The following B4GALNT3 variants were observed in gnomAD, a reference collection of about 807,000 sequenced individuals.
The protein encoded by B4GALNT3 is beta-1,4-N-acetylgalactosaminyltransferase 3.
B4GALNT3 carries 86 observed loss-of-function variants against 120.2 expected under a neutral mutation model. The ratio of observed to expected loss-of-function variants is 0.72; its 90% CI spans 0.60 to 0.86. B4GALNT3 has a LOEUF of 0.86. Ranked by LOEUF, B4GALNT3 falls within the 40% of genes least tolerant of loss-of-function variation. The pLI, the probability that B4GALNT3 is intolerant of heterozygous loss-of-function variation, is 0.00. For synonymous variants in B4GALNT3, 518 were observed against 510.4 expected (o/e 1.01, Z -0.20); for missense variants, 1,167 against 1,298.9 (o/e 0.90, Z 1.56).
At chr12:547,155 C>A (rs1947017959) in intron 7 of B4GALNT3, among the ~76,000 whole-genome samples, 1 of 151,346 alleles carries the variant, frequency 6.6e-6, no homozygotes, top group African/African-American at 2.4e-5. Context: ...GCGGGAAGAG[C>A]GGGCGTTGCT....
At chr12:528,238 C>T (rs759930036) in intron 1 of B4GALNT3, among the ~76,000 whole-genome samples, 12 of 151,858 alleles carry the variant, frequency 7.9e-5, no homozygotes, top group Non-Finnish European at 1.3e-4. Context: ...TTTTTAGAGA[C>T]GGGGTCTCAT....
At chr12:545,934 T>A (rs995937922) in intron 6 of B4GALNT3, among the ~76,000 whole-genome samples, 1 of 4,178 alleles carries the variant, frequency 2.4e-4, no homozygotes, top group Non-Finnish European at 5.4e-4. Flanking sequence ...AGTGGGGAGG[T>A]GAGAGGAGTG....
rs1946013733 is a variant in B4GALNT3 at position 460,758 on chromosome 12, C to G, written c.169+213C>G. 6.6e-6 allele frequency among the ~76,000 whole-genome samples: 1 copy of G among 152,132 alleles called. No homozygotes were observed. Among genetic ancestry groups the G allele is most frequent in the African/African-American group, 2.4e-5 (1 of 41,452 alleles). ...CAGAATTCCCGAGCCCGGGCCTGCCCGCCGGCCACGTGGGTCCGGGGCACC... is the reference window on the plus strand; with the variant it reads ...CAGAATTCCCGAGCCCGGGCCTGCCGGCCGGCCACGTGGGTCCGGGGCACC... On this transcript the variant is annotated intron_variant, in intron 1 of 19. Coordinates refer to ENST00000266383, the MANE Select transcript of B4GALNT3 (RefSeq NM_173593.4). This position sits in a 1 kb window ranked among gnomAD's most constrained non-coding sequence, Gnocchi z 8.0.
At chr12:512,160 C>T (rs1316753741) in intron 1 of B4GALNT3, among the ~76,000 whole-genome samples, 1 of 112,972 alleles carries the variant, frequency 8.9e-6, no homozygotes, top group Admixed American at 8.4e-5. Flanking sequence ...CGCCTTCCGC[C>T]TTCCACCTTC....
intron 11 of B4GALNT3, 42 bp from the exon 12 acceptor site, chr12:552,021 A>T: frequency 5.0e-6 from 7 of 1,408,168 alleles, no homozygotes; most frequent in Non-Finnish European, 7.1e-6. Context: ...TCTTACCAAG[A>T]TCTCACTCTC....
chr12:497,589 T>C (rs1396628357), intron 1 of B4GALNT3, among the ~76,000 whole-genome samples: 2 of 152,230 alleles, frequency 1.3e-5, no homozygotes, highest in Non-Finnish European at 2.9e-5. Flanking sequence ...TGTACAAATA[T>C]TTGTTTGAAT....
intron 1 of B4GALNT3, among the ~76,000 whole-genome samples, chr12:464,892 C>A (rs1026005591): frequency 6.6e-6 from 1 of 152,264 alleles, no homozygotes; most frequent in Middle Eastern, 3.4e-3. Context: ...GAGGCACACC[C>A]GCGGTGTGAG....
At chr12:552,625 G>A in intron 13 of B4GALNT3, 97 bp downstream of exon 13, 1 of 1,218,562 alleles carries the variant, frequency 8.2e-7, no homozygotes, top group Non-Finnish European at 1.2e-6. Flanking sequence ...CCGCCCCTGA[G>A]GAGCTCAAGA....
intron 4 of B4GALNT3, 53 bp downstream of exon 4, chr12:544,487 C>T (rs1050642344): frequency 1.4e-6 from 2 of 1,453,346 alleles, no homozygotes; most frequent in Non-Finnish European, 1.9e-6. Flanking sequence ...GCCTCCTCTG[C>T]CCACTTCTGT....
chr12:529,680 G>A (rs914646995), intron 1 of B4GALNT3, among the ~76,000 whole-genome samples: 7 of 152,178 alleles, frequency 4.6e-5, no homozygotes, highest in African/African-American at 9.7e-5. Context: ...ATAAGCACTC[G>A]GTAAAGGTGA....
At position 518,468 on chromosome 12, in the gene B4GALNT3, C is replaced by T. The variant is rs114002615; in HGVS notation, c.170-16698C>T. On this transcript the variant is annotated intron_variant, in intron 1 of 19. Transcript: ENST00000266383. ...TCACTCTGTTCCCCAGGCTGGAGTG[C>T]AGTGGTGATCATAGCTCACTGCAGA... Among the ~76,000 whole-genome samples, 816 of 152,292 alleles carry T rather than the reference C, an allele frequency of 5.4e-3. 4 individuals are homozygous for T. Among genetic ancestry groups the T allele is most frequent in the African/African-American group, 0.019 (794 of 41,566 alleles).
At chr12:547,988 G>T (rs746721409) in intron 7 of B4GALNT3, 36 bp from the exon 8 acceptor site, 1 of 1,591,970 alleles carries the variant, frequency 6.3e-7, no homozygotes, top group African/African-American at 1.3e-5. Context: ...GGCCCATGGA[G>T]ATGGCGCTCT....
At chr12:554,805 A>C (rs1387020121) in intron 14 of B4GALNT3, among the ~76,000 whole-genome samples, 1 of 149,168 alleles carries the variant, frequency 6.7e-6, no homozygotes, top group East Asian at 2.0e-4. Context: ...AAAAAAAAAA[A>C]AAAAAAAAAA....
chr12:463,268 CAG>C (rs1946040574), intron 1 of B4GALNT3, among the ~76,000 whole-genome samples: 1 of 152,164 alleles, frequency 6.6e-6, no homozygotes, highest in Non-Finnish European at 1.5e-5. Context: ...CCAGTAATGA[CAG>C]GGGAGCATAT....
At position 476,186 on chromosome 12, in the gene B4GALNT3, G is replaced by A. The variant is rs75619599; in HGVS notation, c.169+15641G>A. On this transcript the variant is annotated intron_variant, in intron 1 of 19. Transcript: ENST00000266383. ...GTCCCAGTTTCTTCTCTGTAAAATG[G>A]GACTATTAATGGTACCTGTCTCATT... Among the ~76,000 whole-genome samples the A allele has an allele frequency of 5.5e-3, 829 of 151,920 alleles. 7 individuals are homozygous for A. The highest frequency in any genetic ancestry group is 0.019 in the African/African-American group (785 of 41,396).
chr12:523,009 A>C (rs537516932), intron 1 of B4GALNT3, among the ~76,000 whole-genome samples: 1 of 151,938 alleles, frequency 6.6e-6, no homozygotes, highest in African/African-American at 2.4e-5. Flanking sequence ...TACTAAATAC[A>C]CACTCCCCCT....
chr12:470,472 G>A (rs1946125110), intron 1 of B4GALNT3, among the ~76,000 whole-genome samples: 1 of 152,248 alleles, frequency 6.6e-6, no homozygotes, highest in African/African-American at 2.4e-5. Flanking sequence ...TAGCAAAGGT[G>A]GGCAGGAGGA....
chr12:526,086 T>C (rs1243937221), intron 1 of B4GALNT3, among the ~76,000 whole-genome samples: 2 of 152,154 alleles, frequency 1.3e-5, no homozygotes, highest in African/African-American at 4.8e-5. Flanking sequence ...CATGTGGGCA[T>C]GGGTATGTGT....
chr12:488,305 G>A (rs1448041528), intron 1 of B4GALNT3, among the ~76,000 whole-genome samples: 1 of 152,136 alleles, frequency 6.6e-6, no homozygotes, highest in Non-Finnish European at 1.5e-5. Context: ...GTTCTTTAAA[G>A]AGAAAGAAAA....
Sources: gnomAD v4.1 joint callset for allele counts (sites outside exome capture counted in the v4.1 genomes callset) on GRCh38, gnomAD v4.1.1 for gene constraint, Gnocchi (gnomAD v3.1) non-coding constraint, MANE v1.5 for transcripts, NCBI Gene and HGNC (gene_info 2026-07-23, HGNC 2026-07-21) for gene names.